ERCC6L2: variants seen among roughly 807,000 people sequenced by gnomAD.
ERCC6L2 encodes the protein ERCC excision repair 6 like 2.
In ERCC6L2, 77 loss-of-function variants were observed where a neutral mutation model predicts 132.0. The ratio of observed to expected loss-of-function variants is 0.58; its 90% CI spans 0.49 to 0.71. ERCC6L2 has a LOEUF of 0.71. ERCC6L2 is among the 30% of genes least tolerant of loss of function. The pLI, the probability that ERCC6L2 is intolerant of heterozygous loss-of-function variation, is 0.00. For missense variants in ERCC6L2, 1,542 were observed against 1,837.6 expected, an observed-to-expected ratio of 0.84 and a Z score of 2.94; for synonymous variants, 583 against 632.4, an observed-to-expected ratio of 0.92 and a Z score of 1.17.
chr9:95,912,701 A>T (rs546318138), intron 4 of ERCC6L2, among the ~76,000 whole-genome samples: 3 of 152,176 alleles, frequency 2.0e-5, no homozygotes, highest in Non-Finnish European at 4.4e-5. Context: ...CAGGTGATGA[A>T]TTTGGTTGTC....
At position 96,018,410 on chromosome 9, in the gene ERCC6L2, G is replaced by GA. The variant is rs565214270; in HGVS notation, c.*5214dup. 6.6e-5 allele frequency among the ~76,000 whole-genome samples: 10 copies of GA among 151,482 alleles called. No homozygotes were observed. The South Asian group carries it at 1.3e-3, about 19-fold the overall frequency. ...GACACTCCATATAAGCCATTATTTT[G>GA]AAAAAAACATTTTCCTTATTAAAAG... On this transcript the variant is annotated 3_prime_UTR_variant, in exon 19 of 19. Coordinates refer to ENST00000653738, the MANE Select transcript of ERCC6L2 (RefSeq NM_020207.7).
chr9:95,942,797 G>A (rs890024960), intron 12 of ERCC6L2, among the ~76,000 whole-genome samples: 4 of 152,096 alleles, frequency 2.6e-5, no homozygotes, highest in Admixed American at 2.6e-4. Context: ...TTAGTATGAA[G>A]TAGGAATAAT....
Position 96,016,245 on chromosome 9 carries a change from A to G in ERCC6L2, c.*3042A>G, listed in dbSNP as rs1227037430. 1.3e-5 allele frequency among the ~76,000 whole-genome samples: 2 copies of G among 152,242 alleles called. No homozygotes were observed. The highest frequency in any genetic ancestry group is 3.8e-4 in the East Asian group (2 of 5,200). On this transcript the variant is annotated 3_prime_UTR_variant, in exon 19 of 19. Coordinates refer to ENST00000653738, the MANE Select transcript of ERCC6L2 (RefSeq NM_020207.7). ...AAAGCAACTGAACTGTATCTTAATC[A>G]GAAACTTAACTAGTAAAACAATTAA...
intron 11 of ERCC6L2, 56 bp from the exon 12 acceptor site, chr9:95,941,398 C>G: frequency 3.9e-6 from 5 of 1,288,846 alleles, no homozygotes; most frequent in Non-Finnish European, 5.6e-6. Flanking sequence ...TGAGTTATAG[C>G]ACAACAGTTA....
At chr9:95,890,980 A>C (rs1413167024) in intron 2 of ERCC6L2, among the ~76,000 whole-genome samples, 1 of 152,202 alleles carries the variant, frequency 6.6e-6, no homozygotes, top group Admixed American at 6.5e-5. Context: ...TGGGAGGCTA[A>C]GGTGGGCAGA....
At chr9:95,934,800 C>G (rs560145400) in intron 11 of ERCC6L2, among the ~76,000 whole-genome samples, 2 of 152,238 alleles carry the variant, frequency 1.3e-5, no homozygotes, top group South Asian at 4.2e-4. Flanking sequence ...TCTAGGTAGT[C>G]CAACACCAGG....
chr9:95,997,846 A>G (rs1214769883), intron 17 of ERCC6L2, among the ~76,000 whole-genome samples: 2 of 152,210 alleles, frequency 1.3e-5, no homozygotes. Context: ...GAATCTTTTC[A>G]TCCTAGCCTT....
At chr9:95,921,363 ACT>A (rs775587064) in intron 7 of ERCC6L2, 48 bp downstream of exon 7, 2 of 1,495,210 alleles carry the variant, frequency 1.3e-6, no homozygotes, top group East Asian at 2.3e-5. Flanking sequence ...ATTACATAGT[ACT>A]CTCTTCTAGT....
Position 96,011,711 on chromosome 9 carries a change from C to A in ERCC6L2, c.3675-514C>A, listed in dbSNP as rs573295497. Among the ~76,000 whole-genome samples the A allele has an allele frequency of 2.6e-5, 4 of 152,234 alleles. No individual in the cohort carries two copies. In the East Asian group the frequency reaches 5.8e-4, roughly 22 times the overall value. ...TATCAGTTTAGAACTTTCCTTTGGGCTCATCAAAAAGTCTTGTGCGATTTC... is the reference window on the plus strand; with the variant it reads ...TATCAGTTTAGAACTTTCCTTTGGGATCATCAAAAAGTCTTGTGCGATTTC... On this transcript the variant is annotated intron_variant, in intron 18 of 18. Transcript: ENST00000653738.
chr9:96,033,153 A>G (rs1834481198), intron 19 of ERCC6L2, among the ~76,000 whole-genome samples: 1 of 152,120 alleles, frequency 6.6e-6, no homozygotes, highest in African/African-American at 2.4e-5. Flanking sequence ...AACCACAAGA[A>G]ATTTTCCATT....
intron 13 of ERCC6L2, among the ~76,000 whole-genome samples, chr9:95,964,302 G>A (rs1240369920): frequency 6.6e-6 from 1 of 151,974 alleles, no homozygotes; most frequent in Non-Finnish European, 1.5e-5. Flanking sequence ...CTTATATTTG[G>A]CCAATGGGAA....
In ERCC6L2 at chr9:95,915,849, A is replaced by T. The variant is rs754598935; in HGVS notation, c.950+20A>T. 2 of 1,571,440 alleles carry T rather than the reference A, an allele frequency of 1.3e-6. No individual in the cohort carries two copies. The highest frequency in any genetic ancestry group is 1.7e-6 in the Non-Finnish European group (2 of 1,162,350). On this transcript the variant is annotated intron_variant, in intron 5 of 18. Coordinates refer to ENST00000653738, the MANE Select transcript of ERCC6L2 (RefSeq NM_020207.7). ...GGACTGGTGAGAGAAAACACTTTTT[A>T]AAAAATTGTTTAATAGTTCTTCAGC...
chr9:96,040,877 G>A (rs1020953772), intron 20 of ERCC6L2, among the ~76,000 whole-genome samples: 2 of 152,250 alleles, frequency 1.3e-5, no homozygotes, highest in Non-Finnish European at 2.9e-5. Flanking sequence ...ACTTGAAGCT[G>A]TATAATAAAT....
At chr9:96,005,952 CTTCT>C (rs2133207216) in intron 18 of ERCC6L2, among the ~76,000 whole-genome samples, 1 of 152,242 alleles carries the variant, frequency 6.6e-6, no homozygotes, top group South Asian at 2.1e-4. Flanking sequence ...AACAAGATTA[CTTCT>C]TTCTGTTTTG....
chr9:96,002,542 C>T (rs2133197144), intron 17 of ERCC6L2, among the ~76,000 whole-genome samples: 1 of 152,174 alleles, frequency 6.6e-6, no homozygotes, highest in East Asian at 1.9e-4. Context: ...CCACCTCAGC[C>T]TCCAGAGTAG....
chr9:96,012,364 G>T lies in ERCC6L2; in HGVS notation c.3814G>T (p.Glu1272Ter). 1 of 1,362,544 alleles carries T rather than the reference G, an allele frequency of 7.3e-7. No individual in the cohort carries two copies. Among genetic ancestry groups the T allele is most frequent in the South Asian group, 1.1e-5 (1 of 87,388 alleles). The allele number at this position is 1,362,544 out of a possible 1,614,324, so 84.4% of individuals were successfully genotyped here. The change falls in exon 19 of 19, where the codon GAA becomes TAA. Residue 1272 changes from glutamate to a stop codon, truncating the protein, a stop_gained. Transcript: ENST00000653738. LOFTEE classifies it low-confidence loss of function (END_TRUNC). ...TGCTTCTCAATATCCAGAGGTAAAAGAATTTTTTGTGGATTCTGTGTCACA... is the reference window on the plus strand; with the variant it reads ...TGCTTCTCAATATCCAGAGGTAAAATAATTTTTTGTGGATTCTGTGTCACA... ...FYASQYPEVK[E>*]FFVDSVSQFN... is the part of the protein sequence containing the mutation.
intron 11 of ERCC6L2, among the ~76,000 whole-genome samples, chr9:95,940,945 C>T (rs544282427): frequency 6.6e-6 from 1 of 152,196 alleles, no homozygotes; most frequent in South Asian, 2.1e-4. Context: ...AAAGCCATGA[C>T]TCACTGCCAT....
chr9:95,923,489 G>A, intron 9 of ERCC6L2, 110 bp downstream of exon 9: 3 of 1,275,604 alleles, frequency 2.4e-6, no homozygotes, highest in Non-Finnish European at 3.3e-6. Context: ...ATTCAGAAGA[G>A]ATGGTGGCTA....
In ERCC6L2 at chr9:96,014,562, T is replaced by A. The variant is rs960373207; in HGVS notation, c.*1359T>A. The A allele has an allele frequency of 6.6e-6, 1 of 152,258 alleles. No individual in the cohort carries two copies. The highest frequency in any genetic ancestry group is 6.5e-5 in the Admixed American group (1 of 15,290). 9.4% of individuals were successfully genotyped at this position (152,258 alleles called of 1,614,324 possible). ...TTGGAATAAAATGTTTATGAAATAT[T>A]TACTCATAAGCCATGTAACATACTT... On this transcript the variant is annotated 3_prime_UTR_variant, in exon 19 of 19. Transcript: ENST00000653738.
Sources: allele counts gnomAD v4.1 joint callset (sites outside exome capture counted in the v4.1 genomes callset), GRCh38; gene constraint gnomAD v4.1.1; transcripts MANE v1.5; gene names NCBI Gene and HGNC (gene_info 2026-07-23, HGNC 2026-07-21).